ODAD2: variants seen among roughly 807,000 people sequenced by gnomAD.
ODAD2 encodes outer dynein arm docking complex subunit 2.
ODAD2 carries 89 observed loss-of-function variants against 106.8 expected under a neutral mutation model. The observed-to-expected ratio is 0.83, with a 90% CI of 0.70 to 0.99. The LOEUF (loss-of-function observed/expected upper bound fraction) is 0.99, where lower values mean the gene tolerates loss of function less well. Ranked by LOEUF, ODAD2 falls within the 50% of genes least tolerant of loss-of-function variation. The pLI is 0.00. For missense variants in ODAD2, 1,168 were observed against 1,238.5 expected, an observed-to-expected ratio of 0.94 and a Z score of 0.85; for synonymous variants, 404 against 436.2, an observed-to-expected ratio of 0.93 and a Z score of 0.92.
At chr10:27,865,962 T>A (rs907850435) in intron 17 of ODAD2, among the ~76,000 whole-genome samples, 1 of 152,234 alleles carries the variant, frequency 6.6e-6, no homozygotes, top group African/African-American at 2.4e-5. Flanking sequence ...AGGACATACT[T>A]CTAAATTCTG....
chr10:27,995,388 C>T (rs922497425), intron 1 of ODAD2, among the ~76,000 whole-genome samples: 1 of 151,966 alleles, frequency 6.6e-6, no homozygotes, highest in Non-Finnish European at 1.5e-5. Flanking sequence ...AAGAAATTTC[C>T]GGTATTTGCC....
intron 10 of ODAD2, among the ~76,000 whole-genome samples, chr10:27,952,074 C>CAAAAAAAAAAAAAAAAAA (rs71388944): frequency 0.014 from 610 of 43,728 alleles, 23 homozygotes; most frequent in African/African-American, 0.017. Context: ...GATGCCAACT[C>CAAAAAAAAAAAAAAAAAA]AAAAAAAAAA....
At chr10:27,813,316 A>G (rs1490927015) in intron 19 of ODAD2, 1 of 152,218 alleles carries the variant, frequency 6.6e-6, no homozygotes, top group Non-Finnish European at 1.5e-5. Context: ...CCATCAAACT[A>G]AAGGCCATTT....
chr10:27,965,593 G>C (rs1310721868), intron 9 of ODAD2, among the ~76,000 whole-genome samples: 2 of 152,082 alleles, frequency 1.3e-5, no homozygotes, highest in Non-Finnish European at 2.9e-5. Flanking sequence ...TGGGTAAGAG[G>C]AACCCAGGAA....
chr10:27,944,362 C>T lies in ODAD2; in HGVS notation c.1603G>A (p.Gly535Arg). The change falls in exon 12 of 20, where the codon GGG becomes AGG. Residue 535 changes from glycine to arginine, a missense_variant. This residue lies in a region of ODAD2 where 701 missense variants were observed against 712.3 expected (regional missense o/e 0.98). Transcript: ENST00000305242. ...PQIRQNIVDL[G>R]GLPIMVNILD... ...ATATTCACCATAATTGGTAAGCCCC[C>T]AAGGTCAACAATATTCTGTCTGATT... 1 of 1,613,968 alleles carries T rather than the reference C, an allele frequency of 6.2e-7. No homozygotes were observed. The highest frequency in any genetic ancestry group is 8.5e-7 in the Non-Finnish European group (1 of 1,179,940).
intron 3 of ODAD2, among the ~76,000 whole-genome samples, chr10:27,986,823 G>T (rs182739885): frequency 5.9e-4 from 89 of 151,670 alleles, no homozygotes; most frequent in African/African-American, 2.1e-3. Context: ...TTAAGAAGAA[G>T]AAAAATATTT....
chr10:27,998,633 T>C (rs1485466018), intron 1 of ODAD2, among the ~76,000 whole-genome samples: 1 of 121,182 alleles, frequency 8.3e-6, no homozygotes, highest in Admixed American at 8.5e-5. Context: ...AGGAGTGAGA[T>C]GGGGCTGGGA....
At chr10:27,984,650 C>T (rs923765397) in intron 4 of ODAD2, among the ~76,000 whole-genome samples, 8 of 152,070 alleles carry the variant, frequency 5.3e-5, no homozygotes, top group African/African-American at 1.7e-4. Context: ...AACAAGACCA[C>T]CTAATGTCTT....
chr10:27,998,725 C>A (rs535490632), intron 1 of ODAD2, among the ~76,000 whole-genome samples: 1 of 152,100 alleles, frequency 6.6e-6, no homozygotes, highest in Admixed American at 6.5e-5. Context: ...GCCAGAGAGC[C>A]GCCTCTGTTT....
chr10:27,981,663 A>G, intron 6 of ODAD2, 81 bp from the exon 7 acceptor site: 1 of 1,005,330 alleles, frequency 9.9e-7, no homozygotes, highest in Non-Finnish European at 1.4e-6. Context: ...CAAGCTAGCC[A>G]CACGTATTAT....
chr10:27,818,555 G>C (rs1836327579), intron 19 of ODAD2, among the ~76,000 whole-genome samples: 1 of 152,118 alleles, frequency 6.6e-6, no homozygotes, highest in African/African-American at 2.4e-5. Context: ...TCTGGGCCCT[G>C]GATTAGAGGA....
intron 19 of ODAD2, among the ~76,000 whole-genome samples, chr10:27,815,906 GC>G (rs915891674): frequency 6.6e-6 from 1 of 152,088 alleles, no homozygotes; most frequent in Admixed American, 6.5e-5. Flanking sequence ...AAGTCTCACA[GC>G]CACCTCAAGC....
At chr10:27,960,472 G>C (rs868070956) in intron 10 of ODAD2, among the ~76,000 whole-genome samples, 95 of 151,472 alleles carry the variant, frequency 6.3e-4, no homozygotes, top group Middle Eastern at 3.4e-3. Flanking sequence ...TCAGCATCCC[G>C]AGTAGCTGGG....
intron 16 of ODAD2, among the ~76,000 whole-genome samples, chr10:27,930,425 G>C (rs1299040399): frequency 6.6e-6 from 1 of 151,952 alleles, no homozygotes; most frequent in Admixed American, 6.6e-5. Flanking sequence ...GAGGGAGGAG[G>C]ATTGCTTGAG....
At chr10:27,860,986 T>C (rs760954998) in intron 18 of ODAD2, 140 bp from the exon 19 acceptor site, 27 of 686,448 alleles carry the variant, frequency 3.9e-5, no homozygotes, top group Non-Finnish European at 6.2e-5. Flanking sequence ...ACCTAGGTGA[T>C]GTTTTGAAGG....
intron 2 of ODAD2, among the ~76,000 whole-genome samples, chr10:27,993,151 G>A (rs575265836): frequency 2.8e-4 from 42 of 152,206 alleles, no homozygotes; most frequent in South Asian, 8.3e-4. Flanking sequence ...CTGATCTCTG[G>A]TGATCTGCCC....
chr10:27,858,870 A>C (rs7900724), intron 19 of ODAD2, among the ~76,000 whole-genome samples: 90,649 of 147,034 alleles, frequency 0.62, 27,991 homozygotes, highest in Middle Eastern at 0.73. Flanking sequence ...GTGGTGTGAT[A>C]TCAGCTCACT....
chr10:27,862,057 T>C (rs1020074836), intron 18 of ODAD2, among the ~76,000 whole-genome samples: 1 of 152,206 alleles, frequency 6.6e-6, no homozygotes, highest in African/African-American at 2.4e-5. Context: ...TGAAGCTTGC[T>C]AAACTGGGGA....
chr10:27,873,068 C>A (rs926301578), intron 17 of ODAD2, among the ~76,000 whole-genome samples: 5 of 151,858 alleles, frequency 3.3e-5, no homozygotes, highest in Non-Finnish European at 7.4e-5. Flanking sequence ...TCAACTTCTT[C>A]CTGGTTTAGT....
Sources: gnomAD v4.1 joint callset for allele counts (sites outside exome capture counted in the v4.1 genomes callset) on GRCh38, gnomAD v4.1.1 for gene constraint, gnomAD v4.1.1 regional missense constraint, MANE v1.5 for transcripts, NCBI Gene and HGNC (gene_info 2026-07-23, HGNC 2026-07-21) for gene names.